Variants in DCC observed in about 807,000 individuals in gnomAD.
DCC encodes the protein netrin receptor DCC.
Under a neutral mutation model 172.5 loss-of-function variants are expected in DCC, and 58 were observed. That is an observed-to-expected ratio of 0.34 (90% CI 0.27 to 0.42). The LOEUF (loss-of-function observed/expected upper bound fraction) is 0.42. DCC is among the 10% of genes least tolerant of loss of function. The pLI is 1.00. For missense variants in DCC, 1,740 were observed against 1,791.0 expected (o/e 0.97, Z 0.51); for synonymous variants, 709 against 644.5 (o/e 1.10, Z -1.52).
intron 11 of DCC, among the ~76,000 whole-genome samples, chr18:53,211,070 G>A (rs1039510509): frequency 2.0e-5 from 3 of 152,018 alleles, no homozygotes; most frequent in Non-Finnish European, 2.9e-5. Flanking sequence ...TTTTATGAAC[G>A]AATGAACCAT....
chr18:53,416,340 A>T, intron 21 of DCC, 184 bp downstream of exon 21: 1 of 701,402 alleles, frequency 1.4e-6, no homozygotes. Context: ...GATAAGGAAG[A>T]TGTAAATTTT....
chr18:52,962,813 G>T (rs1256729307), intron 5 of DCC, among the ~76,000 whole-genome samples: 4 of 152,030 alleles, frequency 2.6e-5, no homozygotes, highest in Non-Finnish European at 4.4e-5. Context: ...TAGGGACATG[G>T]ATGAAATTGG....
chr18:53,127,731 A>G (rs990763815), intron 7 of DCC, among the ~76,000 whole-genome samples: 17 of 152,086 alleles, frequency 1.1e-4, no homozygotes, highest in Admixed American at 2.0e-4. Context: ...ATGTTTCTGG[A>G]ATTCTGCCTT....
At chr18:53,014,197 T>A (rs2041772272) in intron 5 of DCC, among the ~76,000 whole-genome samples, 1 of 152,214 alleles carries the variant, frequency 6.6e-6, no homozygotes, top group African/African-American at 2.4e-5. Context: ...AGTAATTAGA[T>A]GAATCACTTG....
At chr18:53,279,493 G>A in intron 12 of DCC, among the ~76,000 whole-genome samples, 1 of 123,250 alleles carries the variant, frequency 8.1e-6, no homozygotes, top group African/African-American at 3.1e-5. Flanking sequence ...ACTGTGGCCT[G>A]TTGTGGGGTG....
At chr18:53,457,795 T>C (rs901390002) in intron 23 of DCC, among the ~76,000 whole-genome samples, 1 of 152,134 alleles carries the variant, frequency 6.6e-6, no homozygotes, top group Admixed American at 6.6e-5. Flanking sequence ...CACCAGGAAA[T>C]CAGCAAAGTG....
At chr18:53,486,657 G>C (rs1281941048) in intron 25 of DCC, 140 bp from the exon 26 acceptor site, 1 of 1,064,156 alleles carries the variant, frequency 9.4e-7, no homozygotes, top group East Asian at 2.5e-5. Flanking sequence ...GATTGGTGGA[G>C]AGAGGTAAGT....
chr18:53,109,165 T>G (rs2043294583), intron 7 of DCC, among the ~76,000 whole-genome samples: 1 of 151,520 alleles, frequency 6.6e-6, no homozygotes, highest in African/African-American at 2.4e-5. Flanking sequence ...GTCAGCTTTT[T>G]GTATATTTGT....
Position 52,509,817 on chromosome 18 carries a change from G to T in DCC, c.91+168939G>T, listed in dbSNP as rs1004994988. ...CCCCTCTCTTGATTAAGTCTAGTCA[G>T]CATGAGCTGGGCACGGTGGCTCACG... On this transcript the variant is annotated intron_variant, in intron 1 of 28. Coordinates refer to ENST00000442544, the MANE Select transcript of DCC (RefSeq NM_005215.4). 2.0e-5 allele frequency among the ~76,000 whole-genome samples: 3 copies of T among 152,224 alleles called. No homozygotes were observed. The South Asian group carries it at 6.2e-4, about 32-fold the overall frequency.
intron 15 of DCC, among the ~76,000 whole-genome samples, chr18:53,367,789 A>G (rs533201824): frequency 6.6e-6 from 1 of 152,092 alleles, no homozygotes. Flanking sequence ...CCTTTTTGCA[A>G]CTGGCTTATT....
intron 7 of DCC, among the ~76,000 whole-genome samples, chr18:53,083,616 G>T (rs1460217295): frequency 6.6e-6 from 1 of 151,952 alleles, no homozygotes; most frequent in East Asian, 1.9e-4. Context: ...AACACTCTTG[G>T]CTATTCAAAA....
chr18:53,235,199 T>G (rs1192227580), intron 12 of DCC, among the ~76,000 whole-genome samples: 1 of 152,198 alleles, frequency 6.6e-6, no homozygotes. Flanking sequence ...GCAATTGCTA[T>G]TTTTTATTTA....
At chr18:52,651,370 A>C (rs1384831918) in intron 1 of DCC, among the ~76,000 whole-genome samples, 3 of 152,004 alleles carry the variant, frequency 2.0e-5, no homozygotes, top group Non-Finnish European at 4.4e-5. Context: ...TTTTGTAGAG[A>C]TAGGGTCTCA....
chr18:53,358,201 G>T (rs2144924035), intron 15 of DCC, among the ~76,000 whole-genome samples: 1 of 152,104 alleles, frequency 6.6e-6, no homozygotes, highest in South Asian at 2.1e-4. Context: ...ATTCAGTTTA[G>T]TGTGTTTCGG....
At chr18:53,083,199 A>G (rs1216002620) in intron 7 of DCC, among the ~76,000 whole-genome samples, 1 of 152,164 alleles carries the variant, frequency 6.6e-6, no homozygotes, top group Non-Finnish European at 1.5e-5. Flanking sequence ...AATAGGAGTG[A>G]CAATTGGTGT....
chr18:52,412,673 T>C (rs2144406934), intron 1 of DCC, among the ~76,000 whole-genome samples: 1 of 152,290 alleles, frequency 6.6e-6, no homozygotes, highest in South Asian at 2.1e-4. Context: ...TTGTTCAGAC[T>C]TGCATACTTC....
intron 1 of DCC, among the ~76,000 whole-genome samples, chr18:52,415,802 T>G (rs1179980284): frequency 1.3e-5 from 2 of 152,216 alleles, no homozygotes; most frequent in Non-Finnish European, 2.9e-5. Context: ...CTATCAATTT[T>G]GTTGATCCTT....
intron 2 of DCC, among the ~76,000 whole-genome samples, chr18:52,894,682 A>G (rs913209205): frequency 3.3e-5 from 5 of 151,922 alleles, no homozygotes; most frequent in African/African-American, 9.7e-5. Context: ...CCTCAGAACC[A>G]GGAGACTTGA....
At chr18:53,059,115 G>A (rs928957900) in intron 5 of DCC, among the ~76,000 whole-genome samples, 1 of 152,060 alleles carries the variant, frequency 6.6e-6, no homozygotes, top group Non-Finnish European at 1.5e-5. Context: ...AGGGGGAAAA[G>A]CCTCTTATAA....
Sources: allele counts gnomAD v4.1 joint callset (sites outside exome capture counted in the v4.1 genomes callset), GRCh38; gene constraint gnomAD v4.1.1; transcripts MANE v1.5; gene names NCBI Gene and HGNC (gene_info 2026-07-23, HGNC 2026-07-21).